NRP2: variants seen among roughly 807,000 people sequenced by gnomAD.
The protein encoded by NRP2 is neuropilin-2.
NRP2 carries 52 observed loss-of-function variants against 110.4 expected under a neutral mutation model. The observed-to-expected ratio is 0.47, with a 90% CI of 0.38 to 0.59. NRP2 has a LOEUF of 0.59. Among genes scored for constraint, NRP2 ranks in the 20% least tolerant of loss-of-function variants. The pLI, the probability that NRP2 is intolerant of heterozygous loss-of-function variation, is 0.00. For synonymous variants in NRP2, 508 were observed against 468.9 expected (o/e 1.08, Z -1.08); for missense variants, 1,049 against 1,203.0 (o/e 0.87, Z 1.89).
chr2:205,734,198 A>G (rs2057297774), intron 7 of NRP2, among the ~76,000 whole-genome samples: 1 of 151,506 alleles, frequency 6.6e-6, no homozygotes, highest in African/African-American at 2.4e-5. Flanking sequence ...ACATATATCT[A>G]TGTAAAGTAT....
intron 15 of NRP2, among the ~76,000 whole-genome samples, chr2:205,771,570 G>A (rs955634281): frequency 6.6e-6 from 1 of 152,126 alleles, no homozygotes; most frequent in South Asian, 2.1e-4. Context: ...GGAAACCTGG[G>A]TGACTCCCCC....
intron 15 of NRP2, among the ~76,000 whole-genome samples, chr2:205,785,804 C>A (rs1033449644): frequency 2.0e-5 from 3 of 152,148 alleles, no homozygotes; most frequent in African/African-American, 7.2e-5. Context: ...ATTTCCAATT[C>A]TTTTTAGTGT....
intron 11 of NRP2, among the ~76,000 whole-genome samples, chr2:205,752,253 A>G (rs1193913188): frequency 2.6e-5 from 4 of 152,158 alleles, no homozygotes; most frequent in African/African-American, 9.7e-5. Context: ...ATACCTCCCC[A>G]TGGAGATGCT....
At chr2:205,761,385 G>GA (rs2057819205) in intron 12 of NRP2, 1 of 152,104 alleles carries the variant, frequency 6.6e-6, no homozygotes, top group African/African-American at 2.4e-5. Flanking sequence ...AAAAAGACAT[G>GA]AAAAAACCAG....
intron 12 of NRP2, among the ~76,000 whole-genome samples, chr2:205,756,202 A>G (rs1218981034): frequency 6.6e-6 from 1 of 152,008 alleles, no homozygotes; most frequent in Non-Finnish European, 1.5e-5. Context: ...GAGTGTGTTC[A>G]CACCAGCCTC....
At chr2:205,794,031 G>A (rs2058328740) in intron 16 of NRP2, among the ~76,000 whole-genome samples, 1 of 152,126 alleles carries the variant, frequency 6.6e-6, no homozygotes, top group African/African-American at 2.4e-5. Context: ...TTGAACACAA[G>A]GCCATCCTAG....
At chr2:205,726,161 G>A (rs1186749131) in intron 6 of NRP2, 79 bp downstream of exon 6, 1 of 1,415,482 alleles carries the variant, frequency 7.1e-7, no homozygotes, top group East Asian at 2.3e-5. Flanking sequence ...AATACAGTAG[G>A]CAGAGGACAC....
intron 2 of NRP2, among the ~76,000 whole-genome samples, chr2:205,704,377 G>A (rs1023845926): frequency 2.0e-5 from 3 of 152,202 alleles, no homozygotes; most frequent in Non-Finnish European, 2.9e-5. Context: ...GATCACTCAC[G>A]ACACTATTAC....
chr2:205,733,673 C>G (rs1322365631), intron 7 of NRP2, among the ~76,000 whole-genome samples: 1 of 152,090 alleles, frequency 6.6e-6, no homozygotes, highest in Non-Finnish European at 1.5e-5. Context: ...GGGCCCACCC[C>G]ACCCAGCTAG....
rs933788848 is a variant in NRP2, at chr2:205,686,446, T to C, written c.73+3083T>C. Among the ~76,000 whole-genome samples the C allele has an allele frequency of 1.3e-4, 20 of 152,108 alleles. No homozygotes were observed. Among genetic ancestry groups the C allele is most frequent in the Admixed American group, 3.3e-4 (5 of 15,272 alleles). On this transcript the variant is annotated intron_variant, in intron 1 of 16. Coordinates refer to ENST00000357785, the MANE Select transcript of NRP2 (RefSeq NM_003872.3). The surrounding 1 kb of genome is among the most constrained non-coding windows in gnomAD (Gnocchi z 4.7). ...ACGGCCGATGCTTCATTTTCACTGA[T>C]TGATTTCTTTTTAATATCAACACAA...
chr2:205,721,526 A>G (rs2057011793), intron 3 of NRP2, among the ~76,000 whole-genome samples: 1 of 152,162 alleles, frequency 6.6e-6, no homozygotes, highest in South Asian at 2.1e-4. Flanking sequence ...TTAAAGCACA[A>G]GGACCCTTTT....
At chr2:205,792,533 T>C (rs887382643) in intron 16 of NRP2, among the ~76,000 whole-genome samples, 1 of 152,218 alleles carries the variant, frequency 6.6e-6, no homozygotes, top group Non-Finnish European at 1.5e-5. Context: ...AGTAACTTTT[T>C]ACCTGGATGG....
intron 7 of NRP2, among the ~76,000 whole-genome samples, chr2:205,734,215 GCACACACACA>G (rs141532341): frequency 1.3e-5 from 2 of 149,218 alleles, no homozygotes; most frequent in African/African-American, 2.5e-5. Context: ...GTATACACGT[GCACACACACA>G]CACACACATG....
intron 1 of NRP2, among the ~76,000 whole-genome samples, chr2:205,689,810 T>C (rs2105868594): frequency 2.0e-5 from 3 of 152,268 alleles, no homozygotes; most frequent in African/African-American, 7.2e-5. Flanking sequence ...TTTAAGGCGC[T>C]CTCCCGAATG....
Position 205,683,329 on chromosome 2 carries a change from C to A in NRP2, c.39C>A (p.Leu13=), listed in dbSNP as rs765384484. The change falls in exon 1 of 17, where the codon CTC becomes CTA. Residue 13 remains leucine (L), a synonymous_variant. Transcript: ENST00000357785. The part of the protein sequence containing the change: ...MFPLTWVFLA[L]YFSRHQVRGQ... Reference sequence around the variant, plus strand: ...CTCTCACCTGGGTTTTCTTAGCCCTCTACTTTTCAAGACACCAAGTGAGAG... The same window carrying A: ...CTCTCACCTGGGTTTTCTTAGCCCTATACTTTTCAAGACACCAAGTGAGAG... The A allele has an allele frequency of 1.9e-5, 31 of 1,613,958 alleles. No homozygotes were observed. The African/African-American group carries it at 3.6e-4, about 19-fold the overall frequency.
At chr2:205,711,518 G>A (rs1422064399) in intron 2 of NRP2, among the ~76,000 whole-genome samples, 1 of 152,176 alleles carries the variant, frequency 6.6e-6, no homozygotes, top group African/African-American at 2.4e-5. Flanking sequence ...CCAATGAGGA[G>A]TACTGCAGGC....
chr2:205,767,271 G>T, intron 15 of NRP2: 1 of 353,114 alleles, frequency 2.8e-6, no homozygotes, highest in South Asian at 2.2e-5. Flanking sequence ...CCACAGAGCC[G>T]AGGGGCTTCT....
intron 10 of NRP2, 183 bp from the exon 11 acceptor site, chr2:205,749,542 C>G (rs2057603355): frequency 3.4e-6 from 2 of 583,120 alleles, no homozygotes; most frequent in African/African-American, 1.8e-5. Flanking sequence ...CAACCCAGGA[C>G]CATTCTCATT....
chr2:205,759,865 A>T (rs897478493), intron 12 of NRP2: 1 of 152,180 alleles, frequency 6.6e-6, no homozygotes, highest in Admixed American at 6.5e-5. Flanking sequence ...AGCACTTTAC[A>T]TGGCTCATTC....
Sources: gnomAD v4.1 joint callset for allele counts (sites outside exome capture counted in the v4.1 genomes callset) on GRCh38, gnomAD v4.1.1 for gene constraint, Gnocchi (gnomAD v3.1) non-coding constraint, MANE v1.5 for transcripts, NCBI Gene and HGNC (gene_info 2026-07-23, HGNC 2026-07-21) for gene names.